FAHD1: variants seen among roughly 807,000 people sequenced by gnomAD.
The protein encoded by FAHD1 is oxaloacetate tautomerase FAHD1, mitochondrial.
FAHD1 carries 14 observed loss-of-function variants against 12.7 expected under a neutral mutation model. The ratio of observed to expected loss-of-function variants is 1.10; its 90% confidence interval spans 0.73 to 1.72. The LOEUF (loss-of-function observed/expected upper bound fraction) is 1.72, where lower values mean the gene tolerates loss of function less well. Ranked by LOEUF, FAHD1 falls within the 40% of genes most tolerant of loss-of-function variation. The pLI, the probability that FAHD1 is intolerant of heterozygous loss-of-function variation, is 0.00. For missense variants in FAHD1, 351 were observed against 298.9 expected (o/e 1.17, Z -1.29); for synonymous variants, 153 against 124.9 (o/e 1.22, Z -1.50).
Position 1,828,082 on chromosome 16 carries a change from C to T in FAHD1, c.*178C>T, listed in dbSNP as rs1016397676. 1.2e-5 allele frequency: 15 copies of T among 1,220,990 alleles called. No homozygotes were observed. In the East Asian group the frequency reaches 3.5e-4, roughly 29 times the overall value. The allele number at this position is 1,220,990 out of a possible 1,614,324, so 75.6% of individuals were successfully genotyped here. A position where few individuals can be genotyped will look rare whatever the true frequency, so the allele number is the denominator to read the frequency against. On this transcript the variant is annotated 3_prime_UTR_variant, in exon 1 of 1. Coordinates refer to ENST00000427358, the Ensembl canonical transcript of FAHD1. ...GGCTCACGACGTCAGGAGATCCAGA[C>T]CATCTTGGCTAACAGGGTGAAACCC...
downstream of FAHD1, among the ~76,000 whole-genome samples, chr16:1,831,907 G>A (rs528820833): frequency 2.0e-5 from 3 of 152,046 alleles, no homozygotes; most frequent in East Asian, 3.9e-4. Context: ...CCCGCCCCCC[G>A]ACCCGGCAAT....
chr16:1,838,554 G>C (rs1898810676), intron 2 of FAHD1, among the ~76,000 whole-genome samples: 1 of 152,160 alleles, frequency 6.6e-6, no homozygotes, highest in African/African-American at 2.4e-5. Flanking sequence ...ACGTGTAGCT[G>C]ACTTTATGTA....
chr16:1,827,821 C>CGATGAGAT lies in FAHD1; in HGVS notation c.583_584insGATGAGAT (p.Pro195ArgfsTer2). On this transcript the variant is annotated stop_gained and frameshift_variant, in exon 1 of 1. Transcript: ENST00000427358. LOFTEE classifies it high-confidence loss of function. ...GACTGGGACGCCAAAGGGAGTTGGA[C>CGATGAGAT]CGGTTAAAGAAAACGATGAGATCGA... 1 of 1,614,058 alleles carries CGATGAGAT rather than the reference C, an allele frequency of 6.2e-7. No individual in the cohort carries two copies.
At chr16:1,832,095 C>A (rs1898629871), downstream of FAHD1, among the ~76,000 whole-genome samples, 1 of 152,006 alleles carries the variant, frequency 6.6e-6, no homozygotes, top group Non-Finnish European at 1.5e-5. Flanking sequence ...AAAAAAACTA[C>A]CATGTTGCAC....
At position 1,827,238 on chromosome 16, in the gene FAHD1, C is replaced by G; in HGVS notation, c.-1C>G. The stretch of plus-strand genomic sequence containing the variant: ...GACTACAGGGGCACTTGATGGGAAT[C>G]ATGGCAGCATCCAGGCCATTGTCCC... On this transcript the variant is annotated 5_prime_UTR_variant, in exon 1 of 1. In the 5' UTR this introduces an upstream ATG that the reference lacks. Transcript: ENST00000427358. 1 of 1,601,080 alleles carries G rather than the reference C, an allele frequency of 6.2e-7. No individual in the cohort carries two copies. The highest frequency in any genetic ancestry group is 8.5e-7 in the Non-Finnish European group (1 of 1,170,214).
downstream of FAHD1, among the ~76,000 whole-genome samples, chr16:1,829,265 T>TTACC (rs1005762594): frequency 6.6e-6 from 1 of 152,240 alleles, no homozygotes; most frequent in East Asian, 1.9e-4. Flanking sequence ...TCTGATTGAG[T>TTACC]AGTAACGGTC....
intron 1 of FAHD1, chr16:1,837,830 G>A (rs1898790283): frequency 6.5e-7 from 1 of 1,539,560 alleles, no homozygotes; most frequent in South Asian, 1.2e-5. Context: ...CCACTTTAAT[G>A]CTGTTTTCTG....
chr16:1,835,312 A>G (rs767507914), intron 1 of FAHD1, among the ~76,000 whole-genome samples: 14 of 152,186 alleles, frequency 9.2e-5, no homozygotes, highest in Non-Finnish European at 1.6e-4. Flanking sequence ...TGTGTGTTCA[A>G]ACTACCAACT....
exon 1 of FAHD1, chr16:1,828,836 C>T (rs1032449362): frequency 3.0e-6 from 3 of 998,784 alleles, no homozygotes; most frequent in Non-Finnish European, 3.6e-6. Context: ...AGGGTATCTA[C>T]CCAGACCCAT....
chr16:1,839,308 G>A, exon 3 of FAHD1: 3 of 1,614,050 alleles, frequency 1.9e-6, no homozygotes, highest in African/African-American at 2.7e-5. Flanking sequence ...CAGGAATGAA[G>A]GGTGCCTGTG....
At chr16:1,838,338 G>T (rs1460109289) in intron 2 of FAHD1, among the ~76,000 whole-genome samples, 1 of 152,096 alleles carries the variant, frequency 6.6e-6, no homozygotes, top group Non-Finnish European at 1.5e-5. Context: ...GGCAGGAAAG[G>T]CTATATAAGC....
chr16:1,830,944 A>C (rs72762859), downstream of FAHD1, among the ~76,000 whole-genome samples: 30 of 147,192 alleles, frequency 2.0e-4, no homozygotes, highest in African/African-American at 3.8e-4. Context: ...ACACACACAC[A>C]CCCATATTTT....
rs746726928 is a variant in FAHD1, at chr16:1,827,356, G to A, written c.118G>A (p.Val40Met). 1.1e-5 allele frequency: 17 copies of A among 1,613,084 alleles called. No individual in the cohort carries two copies. The East Asian group carries it at 1.8e-4, about 17-fold the overall frequency. The change falls in exon 1 of 1, where the codon GTG (valine) becomes ATG (methionine). Residue 40 changes from valine (V) to methionine (M), a missense_variant. Coordinates refer to ENST00000427358, the Ensembl canonical transcript of FAHD1. ...GCGCAGCGCGGTGTTGAGCGAGCCC[G>A]TGCTGTTCCTGAAGCCGTCCACGGC...
At chr16:1,836,431 T>C (rs987409241) in intron 1 of FAHD1, among the ~76,000 whole-genome samples, 1 of 152,170 alleles carries the variant, frequency 6.6e-6, no homozygotes, top group African/African-American at 2.4e-5. Flanking sequence ...AAGTGGTGCC[T>C]CCTGTCTGGA....
chr16:1,834,452 A>G (rs1410862580), intron 1 of FAHD1: 2 of 704,818 alleles, frequency 2.8e-6, no homozygotes, highest in Non-Finnish European at 5.0e-6. Context: ...GATCACGAAT[A>G]GAGAACTGCA....
At chr16:1,834,209 G>C in intron 1 of FAHD1, 1 of 943,208 alleles carries the variant, frequency 1.1e-6, no homozygotes, top group Non-Finnish European at 1.7e-6. Context: ...ATTTTAAAGG[G>C]AGTTAAAACT....
At chr16:1,833,755 G>T (rs909499299), downstream of FAHD1, among the ~76,000 whole-genome samples, 2 of 151,758 alleles carry the variant, frequency 1.3e-5, no homozygotes, top group Non-Finnish European at 2.9e-5. Flanking sequence ...TAGAGATGGG[G>T]TTTCACTGTG....
chr16:1,830,919 C>T (rs1047423795), downstream of FAHD1, among the ~76,000 whole-genome samples: 3 of 71,784 alleles, frequency 4.2e-5, no homozygotes, highest in African/African-American at 1.1e-4. Context: ...TCTCTCTATA[C>T]ACACACACAC....
chr16:1,839,310 G>T, exon 3 of FAHD1: 1 of 1,614,180 alleles, frequency 6.2e-7, no homozygotes, highest in Non-Finnish European at 8.5e-7. Context: ...GGAATGAAGG[G>T]TGCCTGTGTG....
Sources: gnomAD v4.1 joint callset for allele counts (sites outside exome capture counted in the v4.1 genomes callset) on GRCh38, gnomAD v4.1.1 for gene constraint, MANE v1.5 for transcripts, NCBI Gene and HGNC (gene_info 2026-07-23, HGNC 2026-07-21) for gene names.